Variants in CRYBB3 observed in about 807,000 individuals in gnomAD.
CRYBB3 encodes the protein beta-crystallin B3.
A neutral mutation model predicts 28.3 loss-of-function variants in CRYBB3; 35 were observed. The ratio of observed to expected loss-of-function variants is 1.24; its 90% CI spans 0.95 to 1.64. The LOEUF (loss-of-function observed/expected upper bound fraction) is 1.64, where lower values mean the gene tolerates loss of function less well. Among genes scored for constraint, CRYBB3 ranks in the 40% most tolerant of loss-of-function variants. The probability of loss-of-function intolerance (pLI) is 0.00; values close to 1 mark genes in which losing one functional copy is unlikely to be tolerated. For synonymous variants in CRYBB3, 106 were observed against 110.4 expected (o/e 0.96, Z 0.25); for missense variants, 296 against 297.4 (o/e 1.00, Z 0.04).
rs1176847025 is a variant in CRYBB3 at position 25,203,868 on chromosome 22, C to G, written c.300C>G (p.Ser100Arg). 6.2e-7 allele frequency: 1 copy of G among 1,614,146 alleles called. No homozygotes were observed. The highest frequency in any genetic ancestry group is 8.5e-7 in the Non-Finnish European group (1 of 1,180,022). Residue 100 changes from serine to arginine, a missense_variant, in exon 4 of 6, where the codon AGC (serine) becomes AGG (arginine). Physicochemically the swap from Ser to Arg is moderately radical, Grantham distance 110. Coordinates refer to ENST00000215855, the MANE Select transcript of CRYBB3 (RefSeq NM_004076.5). ...DAWSNSRDSD[S>R]LLSLRPLNID... is the part of the protein sequence containing the mutation. Reference sequence around the variant, plus strand: ...GGTCCAACAGCCGTGATAGTGACAGCCTTCTGTCCCTCCGGCCTCTGAATA... The same window carrying G: ...GGTCCAACAGCCGTGATAGTGACAGGCTTCTGTCCCTCCGGCCTCTGAATA...
In CRYBB3 at chr22:25,205,284, T is replaced by C. The variant is rs199791142; in HGVS notation, c.392T>C (p.Ile131Thr). Residue 131 changes from isoleucine to threonine, a missense_variant, in exon 5 of 6, where the codon ATA (isoleucine) becomes ACA (threonine). Ile to Thr is a moderately conservative substitution (Grantham distance 89). Coordinates refer to ENST00000215855, the MANE Select transcript of CRYBB3 (RefSeq NM_004076.5). ...GCTTTCAGTGGCCGCAAGATGGAGA[T>C]AGTGGATGATGACGTGCCCAGCCTG... ...NPAFSGRKME[I>T]VDDDVPSLWA... The C allele has an allele frequency of 3.1e-6, 5 of 1,613,886 alleles. No homozygotes were observed. The highest frequency in any genetic ancestry group is 1.7e-5 in the Admixed American group (1 of 59,996).
intron 1 of CRYBB3, among the ~76,000 whole-genome samples, chr22:25,200,605 G>T (rs1934928514): frequency 6.6e-6 from 1 of 152,196 alleles, no homozygotes; most frequent in Non-Finnish European, 1.5e-5. Flanking sequence ...ACAATGATGA[G>T]AATCCTTCCA....
chr22:25,206,145 G>A (rs1935029916), intron 5 of CRYBB3, among the ~76,000 whole-genome samples: 1 of 152,160 alleles, frequency 6.6e-6, no homozygotes, highest in Non-Finnish European at 1.5e-5. Flanking sequence ...GCCTTGAGAG[G>A]TGCCACCTAT....
At chr22:25,205,868 TC>T (rs1423220962) in intron 5 of CRYBB3, among the ~76,000 whole-genome samples, 1 of 152,174 alleles carries the variant, frequency 6.6e-6, no homozygotes, top group Admixed American at 6.5e-5. Flanking sequence ...CTCCACCTGT[TC>T]CCATCTGAGT....
intron 2 of CRYBB3, among the ~76,000 whole-genome samples, chr22:25,202,065 A>T (rs931179489): frequency 1.3e-5 from 2 of 152,276 alleles, no homozygotes; most frequent in Middle Eastern, 3.4e-3. Flanking sequence ...CCTCCTCTTA[A>T]CTTGCTGTGC....
intron 3 of CRYBB3, among the ~76,000 whole-genome samples, chr22:25,203,209 A>G (rs1008704093): frequency 1.3e-5 from 2 of 152,148 alleles, no homozygotes; most frequent in Admixed American, 1.3e-4. Flanking sequence ...CCATGTCCAC[A>G]AGGCAGGCAG....
At chr22:25,202,928 G>A in intron 3 of CRYBB3, 136 bp downstream of exon 3, 2 of 1,501,984 alleles carry the variant, frequency 1.3e-6, no homozygotes, top group Non-Finnish European at 1.8e-6. Context: ...TTCCGCATCT[G>A]TAAAATGAGA....
chr22:25,203,536 G>C (rs1235776734), intron 3 of CRYBB3, among the ~76,000 whole-genome samples: 1 of 152,178 alleles, frequency 6.6e-6, no homozygotes, highest in African/African-American at 2.4e-5. Flanking sequence ...TTGCACAGAG[G>C]CTAGATTCTC....
intron 3 of CRYBB3, 123 bp downstream of exon 3, chr22:25,202,915 G>A (rs5760903): frequency 9.9e-6 from 15 of 1,514,330 alleles, no homozygotes; most frequent in South Asian, 9.6e-5. Context: ...CTCTGGCCTC[G>A]TTTTCCGCAT....
At chr22:25,204,090 A>G (rs1934992514) in intron 4 of CRYBB3, among the ~76,000 whole-genome samples, 195 bp downstream of exon 4, 1 of 152,194 alleles carries the variant, frequency 6.6e-6, no homozygotes, top group African/African-American at 2.4e-5. Context: ...TCGGTTGGGG[A>G]TTGAGACACC....
intron 5 of CRYBB3, 112 bp downstream of exon 5, chr22:25,205,474 T>G: frequency 7.9e-7 from 1 of 1,270,084 alleles, no homozygotes; most frequent in South Asian, 1.8e-5. Context: ...ATTTATTTAT[T>G]TTTGAGACGG....
intron 4 of CRYBB3, 40 bp downstream of exon 4, chr22:25,203,935 G>A (rs746328073): frequency 1.1e-5 from 18 of 1,613,642 alleles, no homozygotes; most frequent in African/African-American, 2.7e-5. Context: ...GTTCCTGGAA[G>A]CAGGGTGCAC....
chr22:25,205,805 G>A (rs1935025112), intron 5 of CRYBB3, among the ~76,000 whole-genome samples: 1 of 152,142 alleles, frequency 6.6e-6, no homozygotes, highest in Non-Finnish European at 1.5e-5. Context: ...CTGCACTCCT[G>A]TACTGTTGAG....
chr22:25,205,539 A>G (rs2146075464), intron 5 of CRYBB3, among the ~76,000 whole-genome samples, 177 bp downstream of exon 5: 1 of 152,238 alleles, frequency 6.6e-6, no homozygotes, highest in South Asian at 2.1e-4. Flanking sequence ...AGCTCACTGC[A>G]AGCTCCGCCT....
intron 2 of CRYBB3, among the ~76,000 whole-genome samples, chr22:25,201,953 GAGA>G (rs1265257392): frequency 6.6e-6 from 1 of 152,218 alleles, no homozygotes; most frequent in African/African-American, 2.4e-5. Flanking sequence ...AGAAATCTGA[GAGA>G]AGGTTTGAAT....
chr22:25,206,368 AC>A (rs1935034230), intron 5 of CRYBB3, among the ~76,000 whole-genome samples: 1 of 151,908 alleles, frequency 6.6e-6, no homozygotes, highest in Non-Finnish European at 1.5e-5. Context: ...CCACGGAGAA[AC>A]CCCGTCTCTA....
rs1176847025 is a variant in CRYBB3, at chr22:25,203,868, C to T, written c.300C>T (p.Ser100=). ...GGTCCAACAGCCGTGATAGTGACAG[C>T]CTTCTGTCCCTCCGGCCTCTGAATA... ...DAWSNSRDSD[S]LLSLRPLNID... is the part of the protein sequence containing the mutation. Residue 100 remains serine, a synonymous_variant, in exon 4 of 6, where the codon AGC becomes AGT. Transcript: ENST00000215855. 3.1e-6 allele frequency: 5 copies of T among 1,614,146 alleles called. No individual in the cohort carries two copies. The highest frequency in any genetic ancestry group is 3.3e-5 in the Admixed American group (2 of 60,018).
intron 1 of CRYBB3, among the ~76,000 whole-genome samples, chr22:25,200,829 C>T (rs566575071): frequency 7.9e-5 from 12 of 152,330 alleles, no homozygotes; most frequent in African/African-American, 2.9e-4. Context: ...CACCTCCCGA[C>T]ATATGGGGTC....
At position 25,207,100 on chromosome 22, in the gene CRYBB3, G is replaced by A. The variant is rs200791666; in HGVS notation, c.524G>A (p.Arg175Gln). ...GYRGRQYVFE[R>Q]GEYRHWNEWD... The stretch of plus-strand genomic sequence containing the variant: ...CGTGGGCGCCAGTACGTGTTTGAGC[G>A]GGGCGAGTACCGCCACTGGAATGAG... The change falls in exon 6 of 6, where the codon CGG (arginine) becomes CAG (glutamine). Residue 175 changes from arginine (R) to glutamine (Q), a missense_variant. Physicochemically the swap from Arg to Gln is conservative, Grantham distance 43 (BLOSUM62 1). Transcript: ENST00000215855. 8 of 1,613,510 alleles carry A rather than the reference G, an allele frequency of 5.0e-6. No individual in the cohort carries two copies. Among genetic ancestry groups the A allele is most frequent in the East Asian group, 4.5e-5 (2 of 44,866 alleles).
Sources: allele counts gnomAD v4.1 joint callset (sites outside exome capture counted in the v4.1 genomes callset), GRCh38; gene constraint gnomAD v4.1.1; transcripts MANE v1.5; gene names NCBI Gene and HGNC (gene_info 2026-07-23, HGNC 2026-07-21).